KCNIP4: variants seen among roughly 807,000 people sequenced by gnomAD.
The protein encoded by KCNIP4 is potassium voltage-gated channel interacting protein 4.
A neutral mutation model predicts 34.0 loss-of-function variants in KCNIP4; 12 were observed. The ratio of observed to expected loss-of-function variants is 0.35; its 90% CI spans 0.23 to 0.57. The LOEUF (loss-of-function observed/expected upper bound fraction) is 0.57. KCNIP4 is among the 20% of genes least tolerant of loss of function. The pLI is 0.83. For missense variants in KCNIP4, 238 were observed against 311.7 expected (o/e 0.76, Z 1.78); for synonymous variants, 124 against 102.2 (o/e 1.21, Z -1.29).
intron 1 of KCNIP4, among the ~76,000 whole-genome samples, chr4:21,681,070 T>G (rs1750303452): frequency 6.6e-6 from 1 of 152,082 alleles, no homozygotes; most frequent in South Asian, 2.1e-4. Flanking sequence ...CCAATATAAA[T>G]CTTTTTCTTT....
chr4:21,592,602 C>A (rs934009566), intron 1 of KCNIP4, among the ~76,000 whole-genome samples: 1 of 152,022 alleles, frequency 6.6e-6, no homozygotes, highest in African/African-American at 2.4e-5. Context: ...TGTTTGTATT[C>A]CAAGAACTCC....
intron 1 of KCNIP4, among the ~76,000 whole-genome samples, chr4:21,788,498 T>C (rs1194613030): frequency 6.6e-6 from 1 of 152,160 alleles, no homozygotes; most frequent in African/African-American, 2.4e-5. Context: ...ACAGCCTGGC[T>C]TGCAAGATGG....
At chr4:21,226,332 G>T (rs1024476328) in intron 1 of KCNIP4, among the ~76,000 whole-genome samples, 2 of 143,828 alleles carry the variant, frequency 1.4e-5, no homozygotes, top group African/African-American at 5.6e-5. Context: ...GGAAGGGAAG[G>T]AAGGGAAGGA....
At chr4:21,256,483 C>G (rs1761074830) in intron 1 of KCNIP4, among the ~76,000 whole-genome samples, 1 of 150,812 alleles carries the variant, frequency 6.6e-6, no homozygotes, top group South Asian at 2.1e-4. Flanking sequence ...CCTGTAGTTC[C>G]AGCTACTGGG....
chr4:21,526,763 C>T (rs1479527199), intron 1 of KCNIP4, among the ~76,000 whole-genome samples: 3 of 152,064 alleles, frequency 2.0e-5, no homozygotes, highest in East Asian at 1.9e-4. Context: ...TTTCCACAAA[C>T]AAAATTTAAC....
At chr4:21,910,075 C>T in intron 1 of KCNIP4, among the ~76,000 whole-genome samples, 1 of 152,046 alleles carries the variant, frequency 6.6e-6, no homozygotes, top group East Asian at 1.9e-4. Flanking sequence ...ACCCTGAAAG[C>T]ATAGTTACCT....
At chr4:20,998,822 T>C (rs986058471) in intron 1 of KCNIP4, among the ~76,000 whole-genome samples, 8 of 152,188 alleles carry the variant, frequency 5.3e-5, no homozygotes, top group African/African-American at 1.9e-4. Flanking sequence ...AATTGCACAG[T>C]CGGTGCACTT....
Position 21,213,599 on chromosome 4 carries a change from G to A in KCNIP4, c.62-330890C>T, listed in dbSNP as rs1258594527. On this transcript the variant is annotated intron_variant, in intron 1 of 8. Coordinates refer to ENST00000382152, the MANE Select transcript of KCNIP4 (RefSeq NM_025221.6). ...TTACAGGCGTGAGCCACCATGCACG[G>A]CCGAAAGCACTACTTCTAAACTGTT... is the stretch of plus-strand genomic sequence containing the variant. 2.0e-5 allele frequency among the ~76,000 whole-genome samples: 3 copies of A among 152,080 alleles called. No individual in the cohort carries two copies. The East Asian group carries it at 5.8e-4, about 29-fold the overall frequency.
intron 1 of KCNIP4, among the ~76,000 whole-genome samples, chr4:21,204,577 A>G (rs1424856494): frequency 6.6e-6 from 1 of 152,168 alleles, no homozygotes; most frequent in African/African-American, 2.4e-5. Flanking sequence ...CTTTCCTTAG[A>G]GGTCTAATAA....
chr4:20,756,136 C>T (rs777987592), intron 4 of KCNIP4, among the ~76,000 whole-genome samples: 2 of 150,760 alleles, frequency 1.3e-5, no homozygotes, highest in Non-Finnish European at 2.9e-5. Flanking sequence ...TTTATTTTGG[C>T]AGGAGATAAC....
At chr4:21,364,239 T>C (rs570805335) in intron 1 of KCNIP4, among the ~76,000 whole-genome samples, 1 of 152,304 alleles carries the variant, frequency 6.6e-6, no homozygotes, top group South Asian at 2.1e-4. Flanking sequence ...CATTTACGCA[T>C]TTGCTCTTAC....
At chr4:21,083,720 T>C (rs1326314214) in intron 1 of KCNIP4, among the ~76,000 whole-genome samples, 3 of 151,974 alleles carry the variant, frequency 2.0e-5, no homozygotes, top group African/African-American at 7.3e-5. Context: ...TTCTGGCTTC[T>C]GGCCTTCCTA....
chr4:20,864,361 ATATG>A (rs1722643412), intron 2 of KCNIP4, among the ~76,000 whole-genome samples: 1 of 151,072 alleles, frequency 6.6e-6, no homozygotes, highest in Non-Finnish European at 1.5e-5. Context: ...TAACATGTAT[ATATG>A]TATGTTATAC....
intron 1 of KCNIP4, among the ~76,000 whole-genome samples, chr4:21,446,317 T>A (rs10028104): frequency 0.28 from 42,791 of 151,844 alleles, 6,892 homozygotes; most frequent in Non-Finnish European, 0.37. Context: ...ATAAAGACTC[T>A]TGCACACATA....
chr4:21,124,018 A>C (rs2109144290), intron 1 of KCNIP4, among the ~76,000 whole-genome samples: 1 of 147,236 alleles, frequency 6.8e-6, no homozygotes, highest in Non-Finnish European at 1.5e-5. Flanking sequence ...ACAATAACAT[A>C]TTTTGTAAAA....
At chr4:20,793,591 T>C (rs1398290924) in intron 3 of KCNIP4, among the ~76,000 whole-genome samples, 20 of 152,160 alleles carry the variant, frequency 1.3e-4, no homozygotes, top group Admixed American at 1.3e-3. Context: ...GGGACCAGTT[T>C]TGTGGAAGAC....
At chr4:21,508,863 A>T (rs1734077365) in intron 1 of KCNIP4, among the ~76,000 whole-genome samples, 1 of 150,982 alleles carries the variant, frequency 6.6e-6, no homozygotes, top group Admixed American at 6.6e-5. Flanking sequence ...CTTGGTATAT[A>T]AAAACACATT....
At chr4:21,914,476 T>C (rs1322664203) in intron 1 of KCNIP4, among the ~76,000 whole-genome samples, 1 of 152,144 alleles carries the variant, frequency 6.6e-6, no homozygotes, top group African/African-American at 2.4e-5. Flanking sequence ...TGTCAGCCCC[T>C]GGACATGCCA....
intron 1 of KCNIP4, among the ~76,000 whole-genome samples, chr4:21,130,690 C>T (rs1490479595): frequency 6.6e-6 from 1 of 152,130 alleles, no homozygotes; most frequent in Non-Finnish European, 1.5e-5. Flanking sequence ...GGTACTTGTC[C>T]TGGCTGTGCT....
Sources: gnomAD v4.1 joint callset for allele counts (sites outside exome capture counted in the v4.1 genomes callset) on GRCh38, gnomAD v4.1.1 for gene constraint, MANE v1.5 for transcripts, NCBI Gene and HGNC (gene_info 2026-07-23, HGNC 2026-07-21) for gene names.